The following NALF1 variants were observed in gnomAD, a reference collection of about 807,000 sequenced individuals.
NALF1 encodes NALCN channel auxiliary factor 1.
In NALF1, 3 loss-of-function variants were observed where a neutral mutation model predicts 48.4. The observed-to-expected ratio is 0.06, with a 90% CI of 0.03 to 0.16. The LOEUF (loss-of-function observed/expected upper bound fraction) is 0.16. Among genes scored for constraint, NALF1 ranks in the 10% least tolerant of loss-of-function variants. NALF1 has a pLI of 1.00. For synonymous variants in NALF1, 262 were observed against 245.7 expected (o/e 1.07, Z -0.62); for missense variants, 526 against 571.5 (o/e 0.92, Z 0.81).
At chr13:107,644,210 T>C (rs1310122642) in intron 1 of NALF1, among the ~76,000 whole-genome samples, 1 of 151,994 alleles carries the variant, frequency 6.6e-6, no homozygotes, top group Non-Finnish European at 1.5e-5. Context: ...CAGAATAAAA[T>C]ACAGAACGCC....
At chr13:107,802,962 G>A (rs1368583594) in intron 1 of NALF1, among the ~76,000 whole-genome samples, 1 of 152,216 alleles carries the variant, frequency 6.6e-6, no homozygotes, top group African/African-American at 2.4e-5. Flanking sequence ...ATTCAATTGT[G>A]CTGGATGGTC....
At chr13:107,829,138 C>A (rs1271982439) in intron 1 of NALF1, among the ~76,000 whole-genome samples, 1 of 152,094 alleles carries the variant, frequency 6.6e-6, no homozygotes, top group Non-Finnish European at 1.5e-5. Context: ...ATATGAAATA[C>A]CAGAGAGATC....
intron 1 of NALF1, among the ~76,000 whole-genome samples, chr13:107,507,478 T>C (rs746637991): frequency 2.6e-5 from 4 of 151,592 alleles, no homozygotes; most frequent in Non-Finnish European, 4.4e-5. Flanking sequence ...TGAGGAAACT[T>C]AGGGTTAAGA....
At chr13:107,359,107 G>T (rs2138952883) in intron 1 of NALF1, among the ~76,000 whole-genome samples, 1 of 152,162 alleles carries the variant, frequency 6.6e-6, no homozygotes. Flanking sequence ...TCCCCTCCCT[G>T]AAATTCTGTT....
intron 1 of NALF1, among the ~76,000 whole-genome samples, chr13:107,700,446 CA>C (rs1164412103): frequency 2.8e-5 from 4 of 140,680 alleles, no homozygotes; most frequent in African/African-American, 2.6e-5. Context: ...TTTTCACAGG[CA>C]AAAAAAAATT....
At chr13:107,698,270 T>C (rs1042444083) in intron 1 of NALF1, among the ~76,000 whole-genome samples, 2 of 152,178 alleles carry the variant, frequency 1.3e-5, no homozygotes, top group East Asian at 1.9e-4. Flanking sequence ...AATGTGCTAG[T>C]ATGTCCAAAT....
At chr13:107,364,617 CA>C (rs1230266468) in intron 1 of NALF1, among the ~76,000 whole-genome samples, 2 of 152,106 alleles carry the variant, frequency 1.3e-5, no homozygotes, top group African/African-American at 4.8e-5. Flanking sequence ...AGTACCGACC[CA>C]ATACACCATG....
intron 1 of NALF1, among the ~76,000 whole-genome samples, chr13:107,538,391 T>C (rs1262542927): frequency 6.6e-6 from 1 of 152,190 alleles, no homozygotes; most frequent in Non-Finnish European, 1.5e-5. Context: ...CATTTCCATT[T>C]GCAAAGATTT....
At chr13:107,448,371 G>A (rs1275376940) in intron 1 of NALF1, among the ~76,000 whole-genome samples, 2 of 85,122 alleles carry the variant, frequency 2.3e-5, no homozygotes, top group Non-Finnish European at 6.0e-5. Context: ...GAGAATCCCA[G>A]TATTAGGAAT....
intron 1 of NALF1, among the ~76,000 whole-genome samples, chr13:107,325,571 C>T (rs961876010): frequency 3.3e-5 from 5 of 151,952 alleles, no homozygotes; most frequent in African/African-American, 1.2e-4. Flanking sequence ...GGTGCAGTGG[C>T]TCACGCCTGT....
intron 1 of NALF1, among the ~76,000 whole-genome samples, chr13:107,859,224 T>C (rs73589337): frequency 0.039 from 5,990 of 152,292 alleles, 412 homozygotes; most frequent in African/African-American, 0.14. Context: ...AACTCATTTT[T>C]CTTCTTGTGC....
At chr13:107,389,872 A>T (rs1401331886) in intron 1 of NALF1, among the ~76,000 whole-genome samples, 1 of 152,212 alleles carries the variant, frequency 6.6e-6, no homozygotes, top group Admixed American at 6.5e-5. Context: ...TGTGACAGTT[A>T]CTGCAAAAAA....
chr13:107,662,097 C>A (rs188892956), intron 1 of NALF1, among the ~76,000 whole-genome samples: 1 of 152,294 alleles, frequency 6.6e-6, no homozygotes, highest in East Asian at 1.9e-4. Flanking sequence ...CCATTAAAAT[C>A]AAATCCTTCC....
chr13:107,431,026 T>G (rs369124416), intron 1 of NALF1, among the ~76,000 whole-genome samples: 10 of 152,224 alleles, frequency 6.6e-5, no homozygotes, highest in African/African-American at 2.4e-4. Context: ...ATTGTGGTTT[T>G]GATTTGCATT....
intron 1 of NALF1, among the ~76,000 whole-genome samples, chr13:107,798,012 G>A (rs1410451776): frequency 1.3e-5 from 2 of 152,118 alleles, no homozygotes; most frequent in East Asian, 3.9e-4. Context: ...CCTCAACTTG[G>A]AATAAGCAGA....
chr13:107,406,588 C>A (rs1408022), intron 1 of NALF1, among the ~76,000 whole-genome samples: 23,067 of 151,798 alleles, frequency 0.15, 2,034 homozygotes, highest in East Asian at 0.2. Flanking sequence ...TCTATACTAC[C>A]CAAAGCAATC....
intron 1 of NALF1, among the ~76,000 whole-genome samples, chr13:107,427,823 G>A (rs2139014180): frequency 6.6e-6 from 1 of 152,182 alleles, no homozygotes; most frequent in East Asian, 1.9e-4. Context: ...CAAGAAATAT[G>A]AAGCCTCCAT....
At chr13:107,605,041 G>A (rs1287406079) in intron 1 of NALF1, among the ~76,000 whole-genome samples, 4 of 152,104 alleles carry the variant, frequency 2.6e-5, no homozygotes, top group African/African-American at 9.7e-5. Context: ...CTGATGATTA[G>A]AAATTCCATC....
rs138975394 is a variant in NALF1 at position 107,651,276 on chromosome 13, G to C, written c.915+214406C>G. 1.2e-4 allele frequency among the ~76,000 whole-genome samples: 18 copies of C among 152,250 alleles called. 1 individual carries two copies. The East Asian group carries it at 3.5e-3, about 29-fold the overall frequency. On this transcript the variant is annotated intron_variant, in intron 1 of 2. Transcript: ENST00000375915. ...CTGTTCTGTATTCTTTACTTGCACGGAGCAATAGTCAGGAAGCAATGACCA... is the reference window on the plus strand; with the variant it reads ...CTGTTCTGTATTCTTTACTTGCACGCAGCAATAGTCAGGAAGCAATGACCA...
Sources: gnomAD v4.1 joint callset for allele counts (sites outside exome capture counted in the v4.1 genomes callset) on GRCh38, gnomAD v4.1.1 for gene constraint, MANE v1.5 for transcripts, NCBI Gene and HGNC (gene_info 2026-07-23, HGNC 2026-07-21) for gene names.